The following HIKESHI variants were observed in gnomAD, a reference collection of about 807,000 sequenced individuals.
HIKESHI encodes heat shock protein nuclear import factor hikeshi.
Under a neutral mutation model 25.7 loss-of-function variants are expected in HIKESHI, and 13 were observed. The ratio of observed to expected loss-of-function variants is 0.51; its 90% CI spans 0.33 to 0.80. HIKESHI has a LOEUF of 0.80. Among genes scored for constraint, HIKESHI ranks in the 30% least tolerant of loss-of-function variants. The pLI is 0.02. For synonymous variants in HIKESHI, 76 were observed against 78.7 expected (o/e 0.97, Z 0.18); for missense variants, 174 against 229.5 (o/e 0.76, Z 1.56).
chr11:86,306,143 A>T, intron 1 of HIKESHI, 102 bp from the exon 2 acceptor site: 1 of 751,756 alleles, frequency 1.3e-6, no homozygotes, highest in Non-Finnish European at 2.2e-6. Context: ...TGGTAGAAAG[A>T]CTATAATGGA....
At chr11:86,341,964 C>A (rs1947743059) in intron 3 of HIKESHI, among the ~76,000 whole-genome samples, 1 of 152,092 alleles carries the variant, frequency 6.6e-6, no homozygotes, top group Non-Finnish European at 1.5e-5. Context: ...GTTTTGATTG[C>A]TTCATAGTGT....
intron 2 of HIKESHI, among the ~76,000 whole-genome samples, chr11:86,309,219 C>T (rs1486909609): frequency 6.6e-6 from 1 of 152,232 alleles, no homozygotes; most frequent in Non-Finnish European, 1.5e-5. Flanking sequence ...TCCACATCCT[C>T]TCCAGCACCT....
At chr11:86,329,598 C>A (rs1947370222) in intron 2 of HIKESHI, among the ~76,000 whole-genome samples, 1 of 141,242 alleles carries the variant, frequency 7.1e-6, no homozygotes, top group South Asian at 2.2e-4. Context: ...TTCTTTTTGC[C>A]TTATGGTATT....
chr11:86,318,339 A>G (rs1481302397), intron 2 of HIKESHI, among the ~76,000 whole-genome samples: 2 of 147,508 alleles, frequency 1.4e-5, no homozygotes, highest in Non-Finnish European at 3.0e-5. Flanking sequence ...AATAGATGTA[A>G]TATCAATAAA....
At chr11:86,309,216 C>T (rs1029448335) in intron 2 of HIKESHI, among the ~76,000 whole-genome samples, 1 of 152,160 alleles carries the variant, frequency 6.6e-6, no homozygotes, top group Non-Finnish European at 1.5e-5. Flanking sequence ...TTCTCCACAT[C>T]CTCTCCAGCA....
intron 2 of HIKESHI, among the ~76,000 whole-genome samples, chr11:86,320,918 T>A (rs570803569): frequency 5.3e-5 from 8 of 152,152 alleles, no homozygotes; most frequent in African/African-American, 1.4e-4. Context: ...ATGTCGATCC[T>A]TTTGATTGTG....
Position 86,302,381 on chromosome 11 carries a change from G to T in HIKESHI, c.-68G>T. The T allele has an allele frequency of 6.5e-7, 1 of 1,543,844 alleles. No homozygotes were observed. Among genetic ancestry groups the T allele is most frequent in the South Asian group, 1.2e-5 (1 of 83,800 alleles). On this transcript the variant is annotated 5_prime_UTR_variant, in exon 1 of 5. Coordinates refer to ENST00000278483, the MANE Select transcript of HIKESHI (RefSeq NM_016401.4). ...CTGGAAGGTTCTTAGTCTCGACTAG[G>T]GCAGTAGCCCCAGGACTCCTAGTCG... is the stretch of plus-strand genomic sequence containing the variant.
intron 3 of HIKESHI, among the ~76,000 whole-genome samples, chr11:86,337,882 C>T (rs548657460): frequency 9.2e-5 from 14 of 152,126 alleles, no homozygotes; most frequent in East Asian, 5.8e-4. Context: ...AGGCTGGTCT[C>T]GAACTCCAGA....
chr11:86,321,755 C>G (rs768581531), intron 2 of HIKESHI, among the ~76,000 whole-genome samples: 1 of 152,154 alleles, frequency 6.6e-6, no homozygotes, highest in Non-Finnish European at 1.5e-5. Flanking sequence ...GTCTCGAACT[C>G]CTGACCTCAG....
chr11:86,336,143 GAAGA>G (rs1947552245), intron 2 of HIKESHI, among the ~76,000 whole-genome samples: 1 of 152,192 alleles, frequency 6.6e-6, no homozygotes, highest in Non-Finnish European at 1.5e-5. Context: ...TGAGTAGACA[GAAGA>G]AAGAATCAGT....
At chr11:86,304,836 A>G (rs1946580821) in intron 1 of HIKESHI, among the ~76,000 whole-genome samples, 1 of 151,106 alleles carries the variant, frequency 6.6e-6, no homozygotes, top group South Asian at 2.1e-4. Context: ...ATTTTTTACT[A>G]CTGTTCATAT....
At chr11:86,326,508 A>C in intron 2 of HIKESHI, 1 of 456,114 alleles carries the variant, frequency 2.2e-6, no homozygotes, top group Non-Finnish European at 4.4e-6. Flanking sequence ...GTTCTCATTC[A>C]TCAGGTAATT....
chr11:86,304,490 A>T (rs1485303916), intron 1 of HIKESHI, among the ~76,000 whole-genome samples: 1 of 150,668 alleles, frequency 6.6e-6, no homozygotes, highest in Admixed American at 6.6e-5. Flanking sequence ...CTCAGCTGCC[A>T]GTGTGTGAGT....
intron 1 of HIKESHI, 93 bp downstream of exon 1, chr11:86,302,571 G>A: frequency 7.0e-7 from 1 of 1,424,968 alleles, no homozygotes; most frequent in Non-Finnish European, 9.6e-7. Context: ...AGGGATGCGG[G>A]GAAGCCCACT....
At chr11:86,317,704 C>A (rs1470226146) in intron 2 of HIKESHI, among the ~76,000 whole-genome samples, 3 of 151,500 alleles carry the variant, frequency 2.0e-5, no homozygotes, top group Non-Finnish European at 4.4e-5. Flanking sequence ...ACTCGAGAGA[C>A]TGAGGTGGGA....
At chr11:86,319,246 T>TG (rs1947087791) in intron 2 of HIKESHI, among the ~76,000 whole-genome samples, 2 of 134,144 alleles carry the variant, frequency 1.5e-5, no homozygotes, top group Non-Finnish European at 3.1e-5. Flanking sequence ...ATATATATTT[T>TG]TTTTTTTTTT....
At chr11:86,310,660 T>A (rs545731929) in intron 2 of HIKESHI, among the ~76,000 whole-genome samples, 1 of 152,324 alleles carries the variant, frequency 6.6e-6, no homozygotes, top group East Asian at 1.9e-4. Context: ...AGGGAATGCT[T>A]CCAGTTTTTG....
intron 3 of HIKESHI, among the ~76,000 whole-genome samples, chr11:86,341,016 A>G (rs1327323776): frequency 2.0e-5 from 3 of 152,104 alleles, no homozygotes; most frequent in East Asian, 1.9e-4. Flanking sequence ...TGCTCCTTAG[A>G]AGCTATGATT....
intron 2 of HIKESHI, among the ~76,000 whole-genome samples, chr11:86,317,757 A>C (rs1947027465): frequency 6.6e-6 from 1 of 152,238 alleles, no homozygotes; most frequent in South Asian, 2.1e-4. Context: ...GTGAGCCGAC[A>C]TCACGCCACT....
Sources: allele counts gnomAD v4.1 joint callset (sites outside exome capture counted in the v4.1 genomes callset), GRCh38; gene constraint gnomAD v4.1.1; transcripts MANE v1.5; gene names NCBI Gene and HGNC (gene_info 2026-07-23, HGNC 2026-07-21).